The following KICS2 variants were observed in gnomAD, a reference collection of about 807,000 sequenced individuals.
KICS2 encodes the protein KICSTOR complex protein C12orf66.
KICS2 carries 13 observed loss-of-function variants against 31.4 expected under a neutral mutation model. The observed-to-expected ratio is 0.41, with a 90% CI of 0.27 to 0.66. KICS2 has a LOEUF of 0.66. KICS2 is among the 30% of genes least tolerant of loss of function. The pLI is 0.28. For missense variants in KICS2, 455 were observed against 545.4 expected (o/e 0.83, Z 1.65); for synonymous variants, 209 against 214.8 (o/e 0.97, Z 0.24).
chr12:64,201,844 T>TCAAA (rs55811122), intron 2 of KICS2, among the ~76,000 whole-genome samples: 69,658 of 150,496 alleles, frequency 0.46, 16,448 homozygotes, highest in Non-Finnish European at 0.52. Context: ...CAAGACTGTC[T>TCAAA]CAAACAAACA....
In KICS2 at chr12:64,192,467, G is replaced by T; in HGVS notation, c.*1375C>A. 2.6e-6 allele frequency: 1 copy of T among 379,160 alleles called. No individual in the cohort carries two copies. Among genetic ancestry groups the T allele is most frequent in the Non-Finnish European group, 3.6e-6 (1 of 275,852 alleles). The allele number at this position is 379,160 out of a possible 1,614,324, so 23.5% of individuals were successfully genotyped here. A position where few individuals can be genotyped will look rare whatever the true frequency, so the allele number is the denominator to read the frequency against. On this transcript the variant is annotated 3_prime_UTR_variant, in exon 3 of 3. Transcript: ENST00000398055. Reference sequence around the variant, plus strand: ...CCAGGCAGTCCACCCTAGGTGGGCAGGCTTCCTACATGGACTCTGAGGGGC... The same window carrying T: ...CCAGGCAGTCCACCCTAGGTGGGCATGCTTCCTACATGGACTCTGAGGGGC...
intron 2 of KICS2, among the ~76,000 whole-genome samples, chr12:64,206,305 C>T (rs1426254996): frequency 6.6e-6 from 1 of 151,924 alleles, no homozygotes; most frequent in Non-Finnish European, 1.5e-5. Flanking sequence ...TTGCTGCACC[C>T]AAAGTGATAA....
intron 2 of KICS2, among the ~76,000 whole-genome samples, chr12:64,209,190 AATT>A (rs1343299908): frequency 2.0e-5 from 3 of 152,008 alleles, no homozygotes; most frequent in Admixed American, 6.6e-5. Context: ...CTTATATAAT[AATT>A]ATATTATTAA....
intron 2 of KICS2, among the ~76,000 whole-genome samples, chr12:64,202,792 T>A (rs972871338): frequency 2.6e-5 from 4 of 152,074 alleles, no homozygotes; most frequent in South Asian, 4.1e-4. Flanking sequence ...CTACTTCACA[T>A]GTAATAGTAA....
Position 64,217,458 on chromosome 12 carries a change from T to C in KICS2, c.236-1495A>G, listed in dbSNP as rs1171272009. 4.0e-5 allele frequency among the ~76,000 whole-genome samples: 6 copies of C among 150,368 alleles called. No homozygotes were observed. The East Asian group carries it at 5.8e-4, about 15-fold the overall frequency. ...ATATAAAATATGCTAACACTAACCA[T>C]AGCTGATGAGGAAAAAAAAAAAAAC... On this transcript the variant is annotated intron_variant, in intron 1 of 2. Coordinates refer to ENST00000398055, the MANE Select transcript of KICS2 (RefSeq NM_152440.5).
downstream of KICS2, among the ~76,000 whole-genome samples, chr12:64,189,916 C>T (rs2037366307): frequency 1.3e-5 from 2 of 151,958 alleles, no homozygotes. Context: ...AATCCACAAG[C>T]AGTGCTGGAG....
At chr12:64,204,804 A>C (rs939702403) in intron 2 of KICS2, 14 of 152,284 alleles carry the variant, frequency 9.2e-5, no homozygotes, top group Admixed American at 5.9e-4. Context: ...GGCTCACTTC[A>C]GCAGCATATA....
intron 1 of KICS2, among the ~76,000 whole-genome samples, chr12:64,217,461 C>T (rs564392825): frequency 6.6e-6 from 1 of 150,984 alleles, no homozygotes; most frequent in South Asian, 2.1e-4. Context: ...CTAACCATAG[C>T]TGATGAGGAA....
chr12:64,209,990 T>C (rs2136701659), intron 2 of KICS2, among the ~76,000 whole-genome samples: 1 of 152,182 alleles, frequency 6.6e-6, no homozygotes. Context: ...ACTGAAACCA[T>C]AAAGGAGAAA....
chr12:64,193,971 G>A lies in KICS2; in HGVS notation c.1209C>T (p.Thr403=). Residue 403 remains threonine (T), a synonymous_variant, in exon 3 of 3, where the codon ACC becomes ACT. Transcript: ENST00000398055. The part of the protein sequence containing the change: ...YFLTRPEPHF[T]IVIIFESKKS... ...TCTTTGACTCAAAAATGATGACAAT[G>A]GTAAAGTGAGGTTCCGGGCGGGTTA... is the stretch of plus-strand genomic sequence containing the variant. The A allele has an allele frequency of 6.2e-6, 10 of 1,614,158 alleles. No individual in the cohort carries two copies. The highest frequency in any genetic ancestry group is 8.5e-6 in the Non-Finnish European group (10 of 1,180,042).
At chr12:64,203,325 G>A (rs769916187) in intron 2 of KICS2, among the ~76,000 whole-genome samples, 11 of 152,192 alleles carry the variant, frequency 7.2e-5, no homozygotes, top group African/African-American at 1.4e-4. Flanking sequence ...AGACCACACA[G>A]AGCTTTCTTG....
chr12:64,216,632 A>G (rs1480253103), intron 1 of KICS2, among the ~76,000 whole-genome samples: 1 of 152,216 alleles, frequency 6.6e-6, no homozygotes, highest in Non-Finnish European at 1.5e-5. Context: ...AATAAGCACC[A>G]CATTGTGAAT....
At chr12:64,215,997 A>G in intron 1 of KICS2, 34 bp from the exon 2 acceptor site, 3 of 1,571,774 alleles carry the variant, frequency 1.9e-6, no homozygotes, top group South Asian at 1.2e-5. Context: ...CATGACAAGT[A>G]AGAAGGAGAA....
Position 64,192,013 on chromosome 12 carries a change from T to C in KICS2, c.*1829A>G, listed in dbSNP as rs1412696333. 8.5e-6 allele frequency: 1 copy of C among 117,456 alleles called. No individual in the cohort carries two copies. Among genetic ancestry groups the C allele is most frequent in the East Asian group, 2.7e-4 (1 of 3,638 alleles). The allele number at this position is 117,456 out of a possible 1,614,324, so 7.3% of individuals were successfully genotyped here. A position where few individuals can be genotyped will look rare whatever the true frequency, so the allele number is the denominator to read the frequency against. On this transcript the variant is annotated 3_prime_UTR_variant, in exon 3 of 3. Transcript: ENST00000398055. ...GTGAGTTGTGATTGTGCCACTGTAC[T>C]CCAGCCTGGAAAACAGACAAGACCC...
At chr12:64,216,984 T>C (rs185038206) in intron 1 of KICS2, among the ~76,000 whole-genome samples, 13 of 152,362 alleles carry the variant, frequency 8.5e-5, no homozygotes, top group African/African-American at 2.6e-4. Flanking sequence ...AAATTTTCTC[T>C]TCAATGAATT....
At position 64,215,682 on chromosome 12, in the gene KICS2, A is replaced by G; in HGVS notation, c.517T>C (p.Ser173Pro). 6.2e-7 allele frequency: 1 copy of G among 1,612,348 alleles called. No individual in the cohort carries two copies. Among genetic ancestry groups the G allele is most frequent in the South Asian group, 1.1e-5 (1 of 90,956 alleles). The change falls in exon 2 of 3, where the codon TCC becomes CCC. Residue 173 changes from serine to proline, a missense_variant. Coordinates refer to ENST00000398055, the MANE Select transcript of KICS2 (RefSeq NM_152440.5). The stretch of plus-strand genomic sequence containing the variant: ...CTCCCTCCTCCCCACACTGACCTGG[A>G]GCTGTATTTTTTCATGATGGCATCC... ...LLDAIMKKYS[S>P]RFHHPILSPL...
At position 64,192,873 on chromosome 12, in the gene KICS2, G is replaced by C; in HGVS notation, c.*969C>G. On this transcript the variant is annotated 3_prime_UTR_variant, in exon 3 of 3. Transcript: ENST00000398055. ...GAGGTGATTACTCAACTATGAAGAG[G>C]TCTTTCAAGCGCACAGTTGATTTTT... is the stretch of plus-strand genomic sequence containing the variant. The C allele has an allele frequency of 1.0e-6, 1 of 985,438 alleles. No individual in the cohort carries two copies. Among genetic ancestry groups the C allele is most frequent in the Non-Finnish European group, 1.2e-6 (1 of 829,936 alleles). 61.0% of individuals were successfully genotyped at this position (985,438 alleles called of 1,614,324 possible). A position where few individuals can be genotyped will look rare whatever the true frequency, so the allele number is the denominator to read the frequency against.
chr12:64,204,285 A>G (rs1412918501), intron 2 of KICS2, among the ~76,000 whole-genome samples: 1 of 152,184 alleles, frequency 6.6e-6, no homozygotes, highest in Non-Finnish European at 1.5e-5. Context: ...TGATGGGTTA[A>G]CAGGTGCAGC....
At position 64,192,856 on chromosome 12, in the gene KICS2, T is replaced by C. The variant is rs1378009119; in HGVS notation, c.*986A>G. 1 of 985,360 alleles carries C rather than the reference T, an allele frequency of 1.0e-6. No homozygotes were observed. The highest frequency in any genetic ancestry group is 1.2e-6 in the Non-Finnish European group (1 of 829,948). 61.0% of individuals were successfully genotyped at this position (985,360 alleles called of 1,614,324 possible). A position where few individuals can be genotyped will look rare whatever the true frequency, so the allele number is the denominator to read the frequency against. ...AGAAGTGCTTAAGTACTGAGGTGAT[T>C]ACTCAACTATGAAGAGGTCTTTCAA... is the stretch of plus-strand genomic sequence containing the variant. On this transcript the variant is annotated 3_prime_UTR_variant, in exon 3 of 3. Coordinates refer to ENST00000398055, the MANE Select transcript of KICS2 (RefSeq NM_152440.5).
Sources: gnomAD v4.1 joint callset for allele counts (sites outside exome capture counted in the v4.1 genomes callset) on GRCh38, gnomAD v4.1.1 for gene constraint, MANE v1.5 for transcripts, NCBI Gene and HGNC (gene_info 2026-07-23, HGNC 2026-07-21) for gene names.